CCDC15: variants seen among roughly 807,000 people sequenced by gnomAD.
CCDC15 encodes coiled-coil domain-containing protein 15.
CCDC15 carries 105 observed loss-of-function variants against 114.5 expected under a neutral mutation model. The ratio of observed to expected loss-of-function variants is 0.92; its 90% CI spans 0.78 to 1.08. The LOEUF is 1.08. CCDC15 is among the 50% of genes least tolerant of loss of function. The pLI, the probability that CCDC15 is intolerant of heterozygous loss-of-function variation, is 0.00. For synonymous variants in CCDC15, 334 were observed against 377.8 expected (o/e 0.88, Z 1.34); for missense variants, 1,105 against 1,093.6 (o/e 1.01, Z -0.15).
At chr11:124,974,215 AG>A (rs1947933826) in intron 4 of CCDC15, among the ~76,000 whole-genome samples, 1 of 152,150 alleles carries the variant, frequency 6.6e-6, no homozygotes, top group South Asian at 2.1e-4. Flanking sequence ...TCCTGACCTC[AG>A]GTGATCCGCC....
intron 5 of CCDC15, among the ~76,000 whole-genome samples, chr11:124,976,052 G>A (rs1391609726): frequency 6.6e-6 from 1 of 151,522 alleles, no homozygotes; most frequent in African/African-American, 2.4e-5. Flanking sequence ...ATGTTTTATA[G>A]GCAGCATCTA....
At position 124,975,205 on chromosome 11, in the gene CCDC15, G is replaced by T. The variant is rs1947954098; in HGVS notation, c.626G>T (p.Arg209Ile). ...PDDGRKSFLT[R>I]EEVLSRKPAS... ...GATGGAAGGAAAAGCTTTCTTACCA[G>T]AGAGGTAAATTAATTTCTAATACAT... Residue 209 changes from arginine to isoleucine, a missense_variant, in exon 5 of 16, where the codon AGA (arginine) becomes ATA (isoleucine). Arg to Ile is a moderately conservative substitution (Grantham distance 97). Transcript: ENST00000344762. 1 of 1,552,410 alleles carries T rather than the reference G, an allele frequency of 6.4e-7. No homozygotes were observed. The highest frequency in any genetic ancestry group is 1.2e-5 in the South Asian group (1 of 83,080).
At chr11:124,993,867 G>C (rs925656862) in intron 11 of CCDC15, among the ~76,000 whole-genome samples, 14 of 152,034 alleles carry the variant, frequency 9.2e-5, no homozygotes, top group Non-Finnish European at 1.5e-4. Flanking sequence ...AGCCAAAATG[G>C]TTTTAGAATT....
chr11:124,964,402 A>G (rs1947730084), intron 4 of CCDC15, among the ~76,000 whole-genome samples: 1 of 152,064 alleles, frequency 6.6e-6, no homozygotes, highest in Non-Finnish European at 1.5e-5. Flanking sequence ...ATTCTCTTTG[A>G]AGCAGTTGTG....
At chr11:124,995,930 A>G (rs1450756979) in intron 11 of CCDC15, among the ~76,000 whole-genome samples, 1 of 151,920 alleles carries the variant, frequency 6.6e-6, no homozygotes, top group Admixed American at 6.6e-5. Context: ...CCCGGGTTCA[A>G]GTGATTCTTG....
At chr11:125,022,401 T>TA (rs1468182667) in intron 13 of CCDC15, among the ~76,000 whole-genome samples, 2 of 152,020 alleles carry the variant, frequency 1.3e-5, no homozygotes, top group Non-Finnish European at 2.9e-5. Context: ...TTATGTCCTG[T>TA]ACTCAATTTA....
chr11:124,998,428 T>C (rs1311303756), intron 11 of CCDC15, among the ~76,000 whole-genome samples: 1 of 152,196 alleles, frequency 6.6e-6, no homozygotes, highest in East Asian at 1.9e-4. Context: ...CAGAAGTCTC[T>C]TTATTTAAAT....
intron 6 of CCDC15, among the ~76,000 whole-genome samples, chr11:124,980,520 T>C (rs1948053920): frequency 6.6e-6 from 1 of 152,226 alleles, no homozygotes. Flanking sequence ...TTTCCAGATA[T>C]TTATCCATTT....
chr11:124,968,370 C>A (rs568489500), intron 4 of CCDC15, among the ~76,000 whole-genome samples: 1 of 152,294 alleles, frequency 6.6e-6, no homozygotes, highest in East Asian at 1.9e-4. Context: ...TGGCGGACGC[C>A]CCTCCTCCAG....
At chr11:125,017,159 CCTCA>C (rs777170753) in intron 13 of CCDC15, among the ~76,000 whole-genome samples, 2 of 152,096 alleles carry the variant, frequency 1.3e-5, no homozygotes, top group African/African-American at 4.8e-5. Flanking sequence ...AACTACTTTA[CCTCA>C]CTCAGTTGTT....
chr11:124,990,865 C>T (rs1948256463), intron 8 of CCDC15, among the ~76,000 whole-genome samples: 1 of 152,160 alleles, frequency 6.6e-6, no homozygotes, highest in South Asian at 2.1e-4. Flanking sequence ...CCAAGGCCAT[C>T]CCTCCACCAG....
intron 9 of CCDC15, among the ~76,000 whole-genome samples, chr11:124,991,976 C>G (rs1398507527): frequency 6.6e-6 from 1 of 152,192 alleles, no homozygotes; most frequent in African/African-American, 2.4e-5. Context: ...AAGCCACTGT[C>G]CCCGGCCAGA....
chr11:124,989,241 G>C lies in CCDC15; in HGVS notation c.1908+1107G>C, dbSNP rs554848109. Among the ~76,000 whole-genome samples the C allele has an allele frequency of 4.6e-5, 7 of 152,314 alleles. No individual in the cohort carries two copies. In the South Asian group the frequency reaches 1.4e-3, roughly 32 times the overall value. ...TATATCTTCATCAGAGCTCTTGGGT[G>C]ACTAGGTGCATTGTCAATGAGCAGT... On this transcript the variant is annotated intron_variant, in intron 8 of 15. Transcript: ENST00000344762.
intron 2 of CCDC15, among the ~76,000 whole-genome samples, chr11:124,955,884 C>A (rs1415396553): frequency 6.6e-6 from 1 of 152,074 alleles, no homozygotes; most frequent in Non-Finnish European, 1.5e-5. Flanking sequence ...TATCTAAGTT[C>A]TAAGAATATA....
At chr11:125,008,133 A>G (rs1344081662) in intron 13 of CCDC15, among the ~76,000 whole-genome samples, 1 of 152,184 alleles carries the variant, frequency 6.6e-6, no homozygotes, top group Non-Finnish European at 1.5e-5. Flanking sequence ...ACATCTTGAC[A>G]ATATTGAGTC....
intron 8 of CCDC15, among the ~76,000 whole-genome samples, chr11:124,988,424 G>A (rs993195333): frequency 6.6e-6 from 1 of 152,136 alleles, no homozygotes; most frequent in Non-Finnish European, 1.5e-5. Context: ...AAATGCTTAC[G>A]ATTATCTGAG....
chr11:125,032,974 A>T (rs1387955142), intron 13 of CCDC15, among the ~76,000 whole-genome samples: 1 of 152,178 alleles, frequency 6.6e-6, no homozygotes, highest in Non-Finnish European at 1.5e-5. Flanking sequence ...CCCAGTGCAC[A>T]GTTACCCTGG....
At chr11:125,018,130 C>T (rs938499481) in intron 13 of CCDC15, among the ~76,000 whole-genome samples, 4 of 152,134 alleles carry the variant, frequency 2.6e-5, no homozygotes, top group African/African-American at 4.8e-5. Context: ...ACTTACTACT[C>T]GCTCAGTGAC....
intron 13 of CCDC15, among the ~76,000 whole-genome samples, chr11:125,028,281 T>G (rs1948718256): frequency 2.0e-5 from 3 of 152,324 alleles, no homozygotes; most frequent in Admixed American, 1.3e-4. Context: ...AGCATTGTTT[T>G]TTCTATTTCT....
Sources: allele counts gnomAD v4.1 joint callset (sites outside exome capture counted in the v4.1 genomes callset), GRCh38; gene constraint gnomAD v4.1.1; transcripts MANE v1.5; gene names NCBI Gene and HGNC (gene_info 2026-07-23, HGNC 2026-07-21).